Variants in TEX261 observed in about 807,000 individuals in gnomAD.
TEX261 encodes the protein testis expressed 261.
In TEX261, 13 loss-of-function variants were observed where a neutral mutation model predicts 25.1. The ratio of observed to expected loss-of-function variants is 0.52; its 90% CI spans 0.34 to 0.82. The LOEUF is 0.82. TEX261 is among the 40% of genes least tolerant of loss of function. The pLI is 0.02. For synonymous variants in TEX261, 92 were observed against 97.8 expected, an observed-to-expected ratio of 0.94 and a Z score of 0.35; for missense variants, 206 against 243.2, an observed-to-expected ratio of 0.85 and a Z score of 1.02.
In TEX261 at chr2:70,988,444, GCCC is replaced by G; in HGVS notation, c.*153_*155del. 1.6e-6 allele frequency: 1 copy of G among 623,288 alleles called. No individual in the cohort carries two copies. The highest frequency in any genetic ancestry group is 2.9e-6 in the Non-Finnish European group (1 of 349,090). The allele number at this position is 623,288 out of a possible 1,614,324, so 38.6% of individuals were successfully genotyped here. A position where few individuals can be genotyped will look rare whatever the true frequency, so the allele number is the denominator to read the frequency against. On this transcript the variant is annotated 3_prime_UTR_variant, in exon 6 of 6. Coordinates refer to ENST00000272438, the MANE Select transcript of TEX261 (RefSeq NM_144582.3). The stretch of plus-strand genomic sequence containing the variant: ...AAGCATCAGATCTGAGCCAAGCTGA[GCCC>G]CCCAAGGAGGGTGGGGATGGGGCTC...
chr2:70,989,225 C>T (rs1286429187), intron 4 of TEX261: 1 of 604,734 alleles, frequency 1.7e-6, no homozygotes. Flanking sequence ...AATGTGGCCA[C>T]AAACCCCATA....
chr2:70,993,137 G>A (rs1200288636), intron 2 of TEX261, among the ~76,000 whole-genome samples: 2 of 152,170 alleles, frequency 1.3e-5, no homozygotes, highest in African/African-American at 4.8e-5. Context: ...CCTACCCCCA[G>A]CCTTTCCTGC....
chr2:70,990,491 G>A (rs6734489), intron 3 of TEX261, among the ~76,000 whole-genome samples: 41,289 of 151,906 alleles, frequency 0.27, 6,118 homozygotes, highest in South Asian at 0.47. Flanking sequence ...AAGAGGGCAC[G>A]TGTGCATATC....
intron 4 of TEX261, 155 bp from the exon 5 acceptor site, chr2:70,989,172 T>G: frequency 1.5e-6 from 1 of 659,266 alleles, no homozygotes; most frequent in South Asian, 1.8e-5. Flanking sequence ...CCCTCAGACA[T>G]GGAAATCCTT....
Position 70,988,068 on chromosome 2 carries a change from G to C in TEX261, c.*532C>G, listed in dbSNP as rs1255349043. 2 of 160,686 alleles carry C rather than the reference G, an allele frequency of 1.2e-5. No homozygotes were observed. Among genetic ancestry groups the C allele is most frequent in the Non-Finnish European group, 2.7e-5 (2 of 72,756 alleles). 10.0% of individuals were successfully genotyped at this position (160,686 alleles called of 1,614,324 possible). On this transcript the variant is annotated 3_prime_UTR_variant, in exon 6 of 6. Transcript: ENST00000272438. ...AAAGTGAGTCCAGTCCAGAGCAGAA[G>C]GTTAGCAGGAAGAAAGGAAGATGAA...
intron 3 of TEX261, 50 bp downstream of exon 3, chr2:70,991,780 T>A: frequency 6.3e-7 from 1 of 1,597,798 alleles, no homozygotes. Flanking sequence ...AGGATGGAGA[T>A]GGGCACACCC....
intron 1 of TEX261, among the ~76,000 whole-genome samples, chr2:70,994,175 A>G (rs1050700268): frequency 4.6e-5 from 7 of 152,226 alleles, no homozygotes; most frequent in African/African-American, 7.2e-5. Context: ...GGAGAGACAG[A>G]CGAGTTTAGT....
chr2:70,989,126 C>A, intron 4 of TEX261, 109 bp from the exon 5 acceptor site: 3 of 900,162 alleles, frequency 3.3e-6, no homozygotes, highest in Non-Finnish European at 5.4e-6. Flanking sequence ...ACCTGATCTC[C>A]AAAGGGGGCC....
rs782671269 is a variant in TEX261, at chr2:70,993,685, A to C, written c.150+11T>G. 1 of 1,611,460 alleles carries C rather than the reference A, an allele frequency of 6.2e-7. No individual in the cohort carries two copies. The highest frequency in any genetic ancestry group is 1.1e-5 in the South Asian group (1 of 91,010). Reference sequence around the variant, plus strand: ...GAGTGAGGAGGACTCCTGGAGAAAGATGCCACTTACCCAGATCATGTATTT... The same window carrying C: ...GAGTGAGGAGGACTCCTGGAGAAAGCTGCCACTTACCCAGATCATGTATTT... On this transcript the variant is annotated intron_variant, in intron 2 of 5. Coordinates refer to ENST00000272438, the MANE Select transcript of TEX261 (RefSeq NM_144582.3).
At chr2:70,990,268 G>T (rs781950251) in intron 3 of TEX261, among the ~76,000 whole-genome samples, 6 of 151,648 alleles carry the variant, frequency 4.0e-5, no homozygotes, top group Admixed American at 6.6e-5. Context: ...CAAGGAGAAG[G>T]CCTGCTCAAA....
At position 70,988,554 on chromosome 2, in the gene TEX261, G is replaced by T; in HGVS notation, c.*46C>A. 2 of 1,484,162 alleles carry T rather than the reference G, an allele frequency of 1.3e-6. No homozygotes were observed. Among genetic ancestry groups the T allele is most frequent in the Non-Finnish European group, 1.9e-6 (2 of 1,061,858 alleles). 91.9% of individuals were successfully genotyped at this position (1,484,162 alleles called of 1,614,324 possible). On this transcript the variant is annotated 3_prime_UTR_variant, in exon 6 of 6. Transcript: ENST00000272438. ...CCCCACCTGGCATAGAGGCCCAGGG[G>T]CCTGACTCTCCTGATCTTGCCCCCC...
At chr2:70,992,963 CTAAT>C (rs1670332060) in intron 2 of TEX261, among the ~76,000 whole-genome samples, 1 of 152,186 alleles carries the variant, frequency 6.6e-6, no homozygotes, top group South Asian at 2.1e-4. Flanking sequence ...GAATGAAGGG[CTAAT>C]TACTGTGCCA....
In TEX261 at chr2:70,991,778, G is replaced by A. The variant is rs1203729929; in HGVS notation, c.304+52C>T. The A allele has an allele frequency of 2.5e-6, 4 of 1,593,854 alleles. No homozygotes were observed. The Admixed American group carries it at 6.9e-5, about 28-fold the overall frequency. On this transcript the variant is annotated intron_variant, in intron 3 of 5. Coordinates refer to ENST00000272438, the MANE Select transcript of TEX261 (RefSeq NM_144582.3). ...TATCCCCTTTAGTGCCCAGGATGGA[G>A]ATGGGCACACCCAACCACATCAGCT...
At position 70,988,364 on chromosome 2, in the gene TEX261, T is replaced by G. The variant is rs1553425142; in HGVS notation, c.*236A>C. 1 of 513,116 alleles carries G rather than the reference T, an allele frequency of 1.9e-6. No individual in the cohort carries two copies. Among genetic ancestry groups the G allele is most frequent in the Non-Finnish European group, 3.5e-6 (1 of 282,652 alleles). The allele number at this position is 513,116 out of a possible 1,614,324, so 31.8% of individuals were successfully genotyped here. On this transcript the variant is annotated 3_prime_UTR_variant, in exon 6 of 6. Transcript: ENST00000272438. ...GGAGGACTGAGGGACCTCGGCCTCC[T>G]GGCTAAGCAGGCTCTGCCACCCTCC... is the stretch of plus-strand genomic sequence containing the variant.
At chr2:70,992,504 C>A (rs1670322103) in intron 2 of TEX261, among the ~76,000 whole-genome samples, 1 of 152,140 alleles carries the variant, frequency 6.6e-6, no homozygotes, top group Admixed American at 6.5e-5. Flanking sequence ...CCAAGGCAGG[C>A]AGATCACCTG....
chr2:70,994,835 G>A lies in TEX261; in HGVS notation c.-78C>T, dbSNP rs561872983. 4.1e-5 allele frequency: 45 copies of A among 1,098,274 alleles called. No individual in the cohort carries two copies. Among genetic ancestry groups the A allele is most frequent in the South Asian group, 1.2e-4 (3 of 25,636 alleles). The allele number at this position is 1,098,274 out of a possible 1,614,324, so 68.0% of individuals were successfully genotyped here. A position where few individuals can be genotyped will look rare whatever the true frequency, so the allele number is the denominator to read the frequency against. On this transcript the variant is annotated 5_prime_UTR_variant, in exon 1 of 6. Transcript: ENST00000272438. ...GCTCCGGCGACACACAGCCGCCACCGCCGCCGCCGCCGCCGCGTCCCCGCC... is the reference window on the plus strand; with the variant it reads ...GCTCCGGCGACACACAGCCGCCACCACCGCCGCCGCCGCCGCGTCCCCGCC...
chr2:70,994,251 G>A (rs1553425971), intron 1 of TEX261, among the ~76,000 whole-genome samples: 2 of 152,222 alleles, frequency 1.3e-5, no homozygotes, highest in African/African-American at 4.8e-5. Context: ...TGGACTTCCC[G>A]GAAAAGATGA....
In TEX261 at chr2:70,989,093, GT is replaced by G; in HGVS notation, c.373-77del. 4.7e-6 allele frequency: 6 copies of G among 1,287,408 alleles called. 1 individual carries two copies. The South Asian group carries it at 6.3e-5, about 14-fold the overall frequency. The allele number at this position is 1,287,408 out of a possible 1,614,324, so 79.7% of individuals were successfully genotyped here. Reference sequence around the variant, plus strand: ...GGCTGGGTGTGGTGACTGCGTGTTGGTCAAGAGTGCACAGGGGGCCACACCT... The same window carrying G: ...GGCTGGGTGTGGTGACTGCGTGTTGGCAAGAGTGCACAGGGGGCCACACCT... On this transcript the variant is annotated intron_variant, in intron 4 of 5. Transcript: ENST00000272438.
At chr2:70,992,464 TCACGCCTGGAATCCCAA>T (rs1443230126) in intron 2 of TEX261, among the ~76,000 whole-genome samples, 1 of 150,344 alleles carries the variant, frequency 6.7e-6, no homozygotes, top group East Asian at 2.0e-4. Context: ...GCGAGGTGGC[TCACGCCTGGAATCCCAA>T]CACTTTGGGA....
Sources: gnomAD v4.1 joint callset for allele counts (sites outside exome capture counted in the v4.1 genomes callset) on GRCh38, gnomAD v4.1.1 for gene constraint, MANE v1.5 for transcripts, NCBI Gene and HGNC (gene_info 2026-07-23, HGNC 2026-07-21) for gene names.